The following ZNF131 variants were observed in gnomAD, a reference collection of about 807,000 sequenced individuals.
The protein encoded by ZNF131 is zinc finger and BTB domain containing 35.
A neutral mutation model predicts 60.0 loss-of-function variants in ZNF131; 7 were observed. That is an observed-to-expected ratio of 0.12 (90% CI 0.07 to 0.22). The LOEUF is 0.22. ZNF131 is among the 10% of genes least tolerant of loss of function. The pLI, the probability that ZNF131 is intolerant of heterozygous loss-of-function variation, is 1.00. For synonymous variants in ZNF131, 257 were observed against 253.2 expected, an observed-to-expected ratio of 1.01 and a Z score of -0.14; for missense variants, 493 against 740.9, an observed-to-expected ratio of 0.67 and a Z score of 3.88.
At chr5:43,174,414 G>T (rs1156585707) in intron 6 of ZNF131, 33 bp from the exon 7 acceptor site, 2 of 1,492,616 alleles carry the variant, frequency 1.3e-6, no homozygotes, top group African/African-American at 1.4e-5. Flanking sequence ...TTGGATATAA[G>T]TATTGTCTAC....
intron 5 of ZNF131, among the ~76,000 whole-genome samples, chr5:43,167,455 G>A (rs988123987): frequency 6.6e-6 from 1 of 152,150 alleles, no homozygotes; most frequent in African/African-American, 2.4e-5. Flanking sequence ...GTAACAAACT[G>A]TGAAGACAGG....
intron 4 of ZNF131, 96 bp downstream of exon 4, chr5:43,139,405 A>T: frequency 7.5e-6 from 9 of 1,201,024 alleles, no homozygotes; most frequent in Non-Finnish European, 8.8e-6. Flanking sequence ...CATGAAGAAC[A>T]GAGTTCTTCA....
chr5:43,133,331 G>C (rs1284303370), intron 3 of ZNF131, among the ~76,000 whole-genome samples: 1 of 152,114 alleles, frequency 6.6e-6, no homozygotes, highest in Non-Finnish European at 1.5e-5. Context: ...CAGGCGTGGT[G>C]GTGGGCACCT....
intron 4 of ZNF131, among the ~76,000 whole-genome samples, chr5:43,139,746 T>C: frequency 6.6e-6 from 1 of 152,218 alleles, no homozygotes; most frequent in Non-Finnish European, 1.5e-5. Context: ...AGAAGTATGA[T>C]AGCCAAAAAT....
chr5:43,176,190 AG>A lies in ZNF131; in HGVS notation c.*1059del, dbSNP rs1275768816. On this transcript the variant is annotated 3_prime_UTR_variant, in exon 7 of 7. Transcript: ENST00000682664. ...AGTGCTAAACTGTGGACTTAAAAGT[AG>A]GTGTGTAAATATTTTTAATCAGTAT... The A allele has an allele frequency of 3.4e-5, 5 of 146,772 alleles. No individual in the cohort carries two copies. The highest frequency in any genetic ancestry group is 6.2e-5 in the Non-Finnish European group (4 of 64,788). The allele number at this position is 146,772 out of a possible 1,614,324, so 9.1% of individuals were successfully genotyped here.
chr5:43,135,453 C>T (rs1745955495), intron 3 of ZNF131, among the ~76,000 whole-genome samples: 2 of 152,080 alleles, frequency 1.3e-5, no homozygotes, highest in African/African-American at 4.8e-5. Context: ...AACCATAAAA[C>T]ATTAAAGAAA....
rs578185481 is a variant in ZNF131 at position 43,163,022 on chromosome 5, A to C, written c.1054+1091A>C. On this transcript the variant is annotated intron_variant, in intron 5 of 6. Coordinates refer to ENST00000682664, the MANE Select transcript of ZNF131 (RefSeq NM_001330707.2). ...AGTCTCGCTCTGTTGCCCAGGCTGG[A>C]GTGCAGTGGCACGATCTTGGCTCAC... 1.4e-4 allele frequency among the ~76,000 whole-genome samples: 15 copies of C among 109,486 alleles called. No homozygotes were observed. The South Asian group carries it at 4.9e-3, about 35-fold the overall frequency. The allele number at this position is 109,486 out of a possible 152,430, so 71.8% of individuals were successfully genotyped here.
intron 3 of ZNF131, among the ~76,000 whole-genome samples, chr5:43,131,071 G>A (rs1479081831): frequency 6.6e-6 from 1 of 151,672 alleles, no homozygotes; most frequent in Non-Finnish European, 1.5e-5. Flanking sequence ...CGCCTTGTTG[G>A]CCAGGCTGGT....
intron 5 of ZNF131, among the ~76,000 whole-genome samples, chr5:43,171,259 C>T (rs1207494265): frequency 6.6e-6 from 1 of 152,000 alleles, no homozygotes; most frequent in Non-Finnish European, 1.5e-5. Context: ...GTCCCCTCTT[C>T]TTTTATTCTA....
intron 3 of ZNF131, among the ~76,000 whole-genome samples, chr5:43,134,275 C>T (rs557773064): frequency 6.6e-5 from 10 of 152,230 alleles, no homozygotes; most frequent in Non-Finnish European, 1.2e-4. Flanking sequence ...AGCAAAATGA[C>T]GTGAGTATCT....
chr5:43,122,310 G>T, intron 2 of ZNF131, 133 bp downstream of exon 2: 1 of 1,094,954 alleles, frequency 9.1e-7, no homozygotes. Flanking sequence ...TCTGCAGAGT[G>T]TGTGCACTGG....
At chr5:43,140,075 G>A (rs1353714260) in intron 4 of ZNF131, among the ~76,000 whole-genome samples, 2 of 149,986 alleles carry the variant, frequency 1.3e-5, no homozygotes, top group East Asian at 2.0e-4. Flanking sequence ...AATTAGCTGG[G>A]CATGGTAGTG....
intron 4 of ZNF131, among the ~76,000 whole-genome samples, chr5:43,156,267 G>T (rs1748954042): frequency 6.6e-6 from 1 of 152,192 alleles, no homozygotes; most frequent in African/African-American, 2.4e-5. Flanking sequence ...ATGGAAAAGT[G>T]GTATGGTGAG....
intron 4 of ZNF131, among the ~76,000 whole-genome samples, chr5:43,143,981 G>A (rs1007831402): frequency 8.7e-5 from 11 of 126,778 alleles, no homozygotes; most frequent in Non-Finnish European, 1.7e-4. Flanking sequence ...GGAATGCAGT[G>A]GTGCGATCTT....
In ZNF131 at chr5:43,149,973, A is replaced by C. The variant is rs931722442; in HGVS notation, c.371+10664A>C. On this transcript the variant is annotated intron_variant, in intron 4 of 6. Coordinates refer to ENST00000682664, the MANE Select transcript of ZNF131 (RefSeq NM_001330707.2). ...TAACAGTTTCATGGATGCCGGCAAG[A>C]GACATGAGACTCTTGAGTCCAGAAA... Among the ~76,000 whole-genome samples the C allele has an allele frequency of 3.3e-4, 50 of 152,318 alleles. 2 individuals carry two copies. The highest frequency in any genetic ancestry group is 7.2e-5 in the African/African-American group (3 of 41,578).
chr5:43,169,221 AC>A (rs1380775109), intron 5 of ZNF131, among the ~76,000 whole-genome samples: 1 of 152,230 alleles, frequency 6.6e-6, no homozygotes, highest in East Asian at 1.9e-4. Context: ...GGATAAAGAT[AC>A]CTACTTTATA....
chr5:43,132,062 A>G (rs932329339), intron 3 of ZNF131, among the ~76,000 whole-genome samples: 3 of 152,232 alleles, frequency 2.0e-5, no homozygotes, highest in Non-Finnish European at 2.9e-5. Flanking sequence ...CTTTATATGT[A>G]TATAGTAAGT....
intron 3 of ZNF131, among the ~76,000 whole-genome samples, chr5:43,125,898 G>C (rs2112119734): frequency 6.6e-6 from 1 of 152,310 alleles, no homozygotes. Flanking sequence ...GTCACCTTGA[G>C]ATTTAGGTCT....
intron 4 of ZNF131, among the ~76,000 whole-genome samples, chr5:43,154,222 A>G (rs371008693): frequency 2.0e-5 from 3 of 152,140 alleles, no homozygotes; most frequent in East Asian, 3.9e-4. Flanking sequence ...GACCAGTCTG[A>G]CCAACGTGGT....
Sources: allele counts gnomAD v4.1 joint callset (sites outside exome capture counted in the v4.1 genomes callset), GRCh38; gene constraint gnomAD v4.1.1; transcripts MANE v1.5; gene names NCBI Gene and HGNC (gene_info 2026-07-23, HGNC 2026-07-21).